Variants in FOXN3 observed in about 807,000 individuals in gnomAD.
FOXN3 encodes the protein forkhead box N3.
Under a neutral mutation model 38.4 loss-of-function variants are expected in FOXN3, and 7 were observed. That is an observed-to-expected ratio of 0.18 (90% CI 0.10 to 0.34). The LOEUF (loss-of-function observed/expected upper bound fraction) is 0.34. Among genes scored for constraint, FOXN3 ranks in the 10% least tolerant of loss-of-function variants. FOXN3 has a pLI of 1.00. For missense variants in FOXN3, 456 were observed against 613.4 expected, an observed-to-expected ratio of 0.74 and a Z score of 2.71; for synonymous variants, 230 against 242.2, an observed-to-expected ratio of 0.95 and a Z score of 0.47.
At chr14:89,493,726 G>C (rs190793297) in intron 1 of FOXN3, among the ~76,000 whole-genome samples, 2 of 152,050 alleles carry the variant, frequency 1.3e-5, no homozygotes, top group African/African-American at 2.4e-5. Context: ...AATTTCTACA[G>C]TGATACATTC....
intron 3 of FOXN3, among the ~76,000 whole-genome samples, chr14:89,316,375 C>A (rs923288226): frequency 2.2e-5 from 2 of 89,600 alleles, no homozygotes; most frequent in African/African-American, 1.1e-4. Flanking sequence ...AACAATGATT[C>A]TTCTTCTTCT....
rs1281958164 is a variant in FOXN3 at position 89,446,092 on chromosome 14, A to AAAAAAAAAAAAAT, written c.-14-33603_-14-33602insATTTTTTTTTTTT. 4.9e-5 allele frequency among the ~76,000 whole-genome samples: 7 copies of AAAAAAAAAAAAAT among 143,132 alleles called. 1 individual carries two copies. Among genetic ancestry groups the AAAAAAAAAAAAAT allele is most frequent in the Non-Finnish European group, 9.0e-5 (6 of 66,496 alleles). 93.9% of individuals were successfully genotyped at this position (143,132 alleles called of 152,430 possible). ...AACAGAGCGAGACCCTGCCTCAAAA[A>AAAAAAAAAAAAAT]AAAAAAAAAAAAAAAAAAATTTTAA... On this transcript the variant is annotated intron_variant, in intron 1 of 6. Transcript: ENST00000345097.
At chr14:89,418,728 A>T (rs1891825716), upstream of FOXN3, among the ~76,000 whole-genome samples, 1 of 151,346 alleles carries the variant, frequency 6.6e-6, no homozygotes, top group African/African-American at 2.4e-5. Context: ...TAGAAGTGGT[A>T]ACAAAGCCAG....
chr14:89,314,361 G>A (rs1225028079), intron 3 of FOXN3, among the ~76,000 whole-genome samples: 1 of 152,140 alleles, frequency 6.6e-6, no homozygotes, highest in Non-Finnish European at 1.5e-5. Context: ...AGTCATTCAG[G>A]AGTGTGGGTC....
chr14:89,234,784 C>A (rs776586029), intron 4 of FOXN3, among the ~76,000 whole-genome samples: 1 of 150,208 alleles, frequency 6.7e-6, no homozygotes, highest in East Asian at 2.0e-4. Context: ...AGTTCTCTCC[C>A]CAGTCGAGCC....
intron 1 of FOXN3, among the ~76,000 whole-genome samples, chr14:89,586,969 A>C (rs1458051357): frequency 6.6e-6 from 1 of 152,266 alleles, no homozygotes; most frequent in Non-Finnish European, 1.5e-5. Flanking sequence ...ACTTAAGAGA[A>C]ACAGAACCAG....
At chr14:89,193,186 C>T (rs1013106678) in intron 4 of FOXN3, among the ~76,000 whole-genome samples, 3 of 151,920 alleles carry the variant, frequency 2.0e-5, no homozygotes, top group Admixed American at 6.6e-5. Context: ...TCCCTGCCTC[C>T]GCAGGTGACT....
At position 89,329,624 on chromosome 14, in the gene FOXN3, G is replaced by A. The variant is rs1341319261; in HGVS notation, c.680+21048C>T. ...TGTAATCCCAGCACTTTGGGAGGCC[G>A]AGGCGGGCGGATCACAAGGTCAGGA... On this transcript the variant is annotated intron_variant, in intron 3 of 5. Coordinates refer to ENST00000557258, the MANE Select transcript of FOXN3 (RefSeq NM_005197.4). 1.2e-4 allele frequency among the ~76,000 whole-genome samples: 18 copies of A among 152,106 alleles called. 1 individual carries two copies. Among genetic ancestry groups the A allele is most frequent in the Admixed American group, 3.3e-4 (5 of 15,278 alleles).
intron 3 of FOXN3, among the ~76,000 whole-genome samples, chr14:89,289,794 A>G (rs1886807898): frequency 6.6e-6 from 1 of 152,236 alleles, no homozygotes; most frequent in African/African-American, 2.4e-5. Context: ...TACATTTCTC[A>G]GGGCACATTA....
chr14:89,595,486 C>G (rs1896040027), intron 1 of FOXN3, among the ~76,000 whole-genome samples: 1 of 152,056 alleles, frequency 6.6e-6, no homozygotes, highest in Admixed American at 6.5e-5. Context: ...AATGTAAATT[C>G]ATGTTCTGAT....
chr14:89,487,047 G>A (rs1346279820), intron 1 of FOXN3, among the ~76,000 whole-genome samples: 5 of 152,168 alleles, frequency 3.3e-5, no homozygotes, highest in Non-Finnish European at 7.3e-5. Context: ...AAGCGCTCAA[G>A]GCCAGCATTC....
chr14:89,320,336 G>A (rs532604077), intron 3 of FOXN3, among the ~76,000 whole-genome samples: 1 of 152,320 alleles, frequency 6.6e-6, no homozygotes, highest in Non-Finnish European at 1.5e-5. Context: ...CATTGATTTG[G>A]AATGTATTTT....
chr14:89,415,522 A>G (rs1052555949), intron 1 of FOXN3, among the ~76,000 whole-genome samples: 1 of 150,514 alleles, frequency 6.6e-6, no homozygotes, highest in African/African-American at 2.4e-5. Context: ...GCATCCCTAT[A>G]AATCCCGCAT....
intron 4 of FOXN3, among the ~76,000 whole-genome samples, chr14:89,257,089 C>CTGCAGGT (rs1187037260): frequency 6.6e-6 from 1 of 152,198 alleles, no homozygotes; most frequent in Non-Finnish European, 1.5e-5. Context: ...ACCACCTATC[C>CTGCAGGT]TGCAGGTTGC....
intron 4 of FOXN3, among the ~76,000 whole-genome samples, chr14:89,190,131 T>C (rs1246279601): frequency 2.0e-5 from 3 of 152,368 alleles, no homozygotes; most frequent in East Asian, 3.9e-4. Context: ...CTGTTTCCCT[T>C]TCCCCAAGTC....
At chr14:89,421,708 T>A (rs543425583), upstream of FOXN3, among the ~76,000 whole-genome samples, 4 of 149,480 alleles carry the variant, frequency 2.7e-5, no homozygotes, top group African/African-American at 9.9e-5. Context: ...TGTATTTTTT[T>A]AGTAGAGACG....
rs1891572730 is a variant in FOXN3, at chr14:89,412,618, CT to C, written c.-14-129del. The C allele has an allele frequency of 3.0e-6, 2 of 659,528 alleles. No homozygotes were observed. Among genetic ancestry groups the C allele is most frequent in the East Asian group, 5.5e-5 (2 of 36,556 alleles). The allele number at this position is 659,528 out of a possible 1,614,324, so 40.9% of individuals were successfully genotyped here. On this transcript the variant is annotated intron_variant, in intron 1 of 5. Coordinates refer to ENST00000557258, the MANE Select transcript of FOXN3 (RefSeq NM_005197.4). This position sits in a 1 kb window ranked among gnomAD's most constrained non-coding sequence, Gnocchi z 4.7. ...AACCCCTGCTACACAGGAACACCAC[CT>C]TGTGACTCCCACACTAAGCAACACA...
chr14:89,546,866 C>T (rs1015870843), intron 1 of FOXN3, among the ~76,000 whole-genome samples: 2 of 152,118 alleles, frequency 1.3e-5, no homozygotes, highest in African/African-American at 4.8e-5. Context: ...TCACTGCAAC[C>T]TCCGCCTCCC....
intron 1 of FOXN3, among the ~76,000 whole-genome samples, chr14:89,489,652 T>C (rs1003049390): frequency 3.3e-5 from 5 of 152,218 alleles, no homozygotes; most frequent in Non-Finnish European, 5.9e-5. Flanking sequence ...ATCTCTGCAG[T>C]AGTTTAGTCC....
Sources: allele counts gnomAD v4.1 joint callset (sites outside exome capture counted in the v4.1 genomes callset), GRCh38; gene constraint gnomAD v4.1.1; non-coding constraint Gnocchi (gnomAD v3.1); transcripts MANE v1.5; gene names NCBI Gene and HGNC (gene_info 2026-07-23, HGNC 2026-07-21).